NTRK3: variants seen among roughly 807,000 people sequenced by gnomAD.
NTRK3 encodes the protein neurotrophic receptor tyrosine kinase 3.
In NTRK3, 24 loss-of-function variants were observed where a neutral mutation model predicts 91.7. The ratio of observed to expected loss-of-function variants is 0.26; its 90% CI spans 0.19 to 0.37. The LOEUF (loss-of-function observed/expected upper bound fraction) is 0.37. Among genes scored for constraint, NTRK3 ranks in the 10% least tolerant of loss-of-function variants. The pLI, the probability that NTRK3 is intolerant of heterozygous loss-of-function variation, is 1.00. For missense variants in NTRK3, 880 were observed against 1,068.9 expected, an observed-to-expected ratio of 0.82 and a Z score of 2.46; for synonymous variants, 483 against 404.0, an observed-to-expected ratio of 1.20 and a Z score of -2.34.
chr15:87,994,024 GATTAT>G (rs1175283218), intron 14 of NTRK3, among the ~76,000 whole-genome samples: 13 of 152,170 alleles, frequency 8.5e-5, no homozygotes, highest in African/African-American at 3.1e-4. Context: ...TCCTAAAACA[GATTAT>G]ATTATGGTAT....
intron 14 of NTRK3, among the ~76,000 whole-genome samples, chr15:87,961,316 T>C (rs898717712): frequency 6.6e-6 from 1 of 152,234 alleles, no homozygotes; most frequent in African/African-American, 2.4e-5. Context: ...GTTTAGAGAC[T>C]ATCATTAAAC....
intron 17 of NTRK3, among the ~76,000 whole-genome samples, chr15:87,900,631 A>G (rs868797111): frequency 3.3e-5 from 5 of 152,144 alleles, no homozygotes; most frequent in Admixed American, 6.6e-5. Context: ...ACACTGAACG[A>G]AAGCTCAACT....
At chr15:88,133,259 T>C (rs543009338) in intron 10 of NTRK3, among the ~76,000 whole-genome samples, 5 of 152,032 alleles carry the variant, frequency 3.3e-5, no homozygotes, top group African/African-American at 4.8e-5. Context: ...GCAGAGGAGG[T>C]ATCTCTGAGA....
At chr15:88,076,507 C>T (rs1567345415) in intron 13 of NTRK3, among the ~76,000 whole-genome samples, 1 of 152,042 alleles carries the variant, frequency 6.6e-6, no homozygotes, top group African/African-American at 2.4e-5. Flanking sequence ...TCTTTCACTG[C>T]CTTCATTGAT....
intron 3 of NTRK3, among the ~76,000 whole-genome samples, chr15:88,204,214 T>A (rs1316180295): frequency 6.6e-6 from 1 of 152,212 alleles, no homozygotes; most frequent in African/African-American, 2.4e-5. Flanking sequence ...TCCATTGGAT[T>A]CCGCAGCAGT....
At chr15:87,986,486 A>G (rs974969802) in intron 14 of NTRK3, among the ~76,000 whole-genome samples, 2 of 152,228 alleles carry the variant, frequency 1.3e-5, no homozygotes, top group African/African-American at 4.8e-5. Flanking sequence ...TATCCTTTTC[A>G]GGAATCTTGA....
intron 5 of NTRK3, among the ~76,000 whole-genome samples, chr15:88,150,389 T>C (rs1308086219): frequency 6.6e-6 from 1 of 152,162 alleles, no homozygotes; most frequent in African/African-American, 2.4e-5. Flanking sequence ...TAACAGACAT[T>C]CTGGGCAAAT....
At chr15:87,925,689 T>A (rs1335289938) in intron 17 of NTRK3, 1 of 189,158 alleles carries the variant, frequency 5.3e-6, no homozygotes, top group Non-Finnish European at 1.1e-5. Context: ...TTTACACAAA[T>A]CACCCAAATG....
At chr15:87,950,643 T>C (rs944094863) in intron 14 of NTRK3, among the ~76,000 whole-genome samples, 6 of 152,302 alleles carry the variant, frequency 3.9e-5, no homozygotes, top group Admixed American at 1.3e-4. Context: ...AATGTTGTTT[T>C]CATGAGCGAA....
At chr15:87,881,683 T>G (rs1003814585) in intron 17 of NTRK3, among the ~76,000 whole-genome samples, 1 of 152,016 alleles carries the variant, frequency 6.6e-6, no homozygotes, top group East Asian at 1.9e-4. Context: ...CCTCCCAAAG[T>G]GCTGGGATTA....
At position 88,021,745 on chromosome 15, in the gene NTRK3, C is replaced by A. The variant is rs559616519; in HGVS notation, c.1585+11112G>T. 3.8e-4 allele frequency among the ~76,000 whole-genome samples: 58 copies of A among 152,092 alleles called. 1 individual carries two copies. Among genetic ancestry groups the A allele is most frequent in the Non-Finnish European group, 2.9e-4 (20 of 68,028 alleles). Reference sequence around the variant, plus strand: ...TTGGTTTTTAGTTATTGACCATCAACAATATAGTGCAAGGGGAATGAGAAC... The same window carrying A: ...TTGGTTTTTAGTTATTGACCATCAAAAATATAGTGCAAGGGGAATGAGAAC... On this transcript the variant is annotated intron_variant, in intron 14 of 18. Coordinates refer to ENST00000394480, the Ensembl canonical transcript of NTRK3.
At chr15:88,073,848 T>G (rs567093977) in intron 13 of NTRK3, among the ~76,000 whole-genome samples, 2 of 147,880 alleles carry the variant, frequency 1.4e-5, no homozygotes, top group Non-Finnish European at 3.0e-5. Flanking sequence ...GGGGTGTTCA[T>G]GGGGGAAGAC....
At chr15:88,037,514 A>T (rs1462616391) in intron 13 of NTRK3, among the ~76,000 whole-genome samples, 1 of 152,180 alleles carries the variant, frequency 6.6e-6, no homozygotes, top group African/African-American at 2.4e-5. Context: ...GTGAGCTGAG[A>T]TGGCACCCAC....
At chr15:88,002,690 CAA>C (rs561471888) in intron 14 of NTRK3, among the ~76,000 whole-genome samples, 30,726 of 85,496 alleles carry the variant, frequency 0.36, 5,159 homozygotes, top group African/African-American at 0.55. Context: ...AGAAGCTATG[CAA>C]AAAAAAAAAA....
At chr15:88,252,210 G>A (rs541358315) in intron 3 of NTRK3, among the ~76,000 whole-genome samples, 1 of 152,264 alleles carries the variant, frequency 6.6e-6, no homozygotes, top group East Asian at 1.9e-4. Flanking sequence ...ACCAAACTGT[G>A]CCTACCGAGA....
rs1242939631 is a variant in NTRK3 at position 88,145,833 on chromosome 15, G to A, written c.464+1502C>T. On this transcript the variant is annotated intron_variant, in intron 6 of 18. Transcript: ENST00000394480. ...CTCAGTCAGTTCTAGGGTAACTTAAGAAAGACCACAATCATGTGTTTTTTT... is the reference window on the plus strand; with the variant it reads ...CTCAGTCAGTTCTAGGGTAACTTAAAAAAGACCACAATCATGTGTTTTTTT... 5.7e-5 allele frequency among the ~76,000 whole-genome samples: 8 copies of A among 140,410 alleles called. No individual in the cohort carries two copies. The South Asian group carries it at 1.6e-3, about 28-fold the overall frequency. 92.1% of individuals were successfully genotyped at this position (140,410 alleles called of 152,430 possible). A position where few individuals can be genotyped will look rare whatever the true frequency, so the allele number is the denominator to read the frequency against.
At chr15:88,161,675 T>A (rs759711381) in intron 5 of NTRK3, among the ~76,000 whole-genome samples, 1 of 152,142 alleles carries the variant, frequency 6.6e-6, no homozygotes, top group Admixed American at 6.5e-5. Flanking sequence ...CAACCAGAAA[T>A]GAGCTACATA....
chr15:88,028,729 G>T lies in NTRK3; in HGVS notation c.1585+4128C>A, dbSNP rs186135979. Among the ~76,000 whole-genome samples the T allele has an allele frequency of 9.1e-4, 139 of 152,288 alleles. 2 individuals carry two copies. Among genetic ancestry groups the T allele is most frequent in the Admixed American group, 8.1e-3 (124 of 15,300 alleles). On this transcript the variant is annotated intron_variant, in intron 14 of 18. Coordinates refer to ENST00000394480, the Ensembl canonical transcript of NTRK3. The stretch of plus-strand genomic sequence containing the variant: ...TGACAAGGACACCCAAGGACAGAAG[G>T]ACGGGGCAGAGGCAGTTGCCTCTCC...
chr15:88,004,599 C>G (rs554405560), intron 14 of NTRK3, among the ~76,000 whole-genome samples: 1 of 152,280 alleles, frequency 6.6e-6, no homozygotes, highest in East Asian at 1.9e-4. Flanking sequence ...TGCCCTTGTG[C>G]AAATTCAAGG....
Sources: allele counts gnomAD v4.1 joint callset (sites outside exome capture counted in the v4.1 genomes callset), GRCh38; gene constraint gnomAD v4.1.1; transcripts MANE v1.5; gene names NCBI Gene and HGNC (gene_info 2026-07-23, HGNC 2026-07-21).